Variants in HDAC9 observed in about 807,000 individuals in gnomAD.
HDAC9 encodes MEF-2 interacting transcription repressor (MITR) protein.
HDAC9 carries 41 observed loss-of-function variants against 139.4 expected under a neutral mutation model. The observed-to-expected ratio is 0.29, with a 90% CI of 0.23 to 0.38. The LOEUF (loss-of-function observed/expected upper bound fraction) is 0.38. Ranked by LOEUF, HDAC9 falls within the 10% of genes least tolerant of loss-of-function variation. HDAC9 has a pLI of 1.00. For synonymous variants in HDAC9, 517 were observed against 476.2 expected, an observed-to-expected ratio of 1.09 and a Z score of -1.12; for missense variants, 1,147 against 1,297.0, an observed-to-expected ratio of 0.88 and a Z score of 1.78.
At chr7:18,355,333 C>G (rs1479175281) in intron 1 of HDAC9, among the ~76,000 whole-genome samples, 1 of 152,128 alleles carries the variant, frequency 6.6e-6, no homozygotes, top group African/African-American at 2.4e-5. Flanking sequence ...TTCCAAGAGT[C>G]TGGGTTCTTG....
intron 1 of HDAC9, among the ~76,000 whole-genome samples, chr7:18,305,870 A>T (rs1466915314): frequency 6.6e-6 from 1 of 151,970 alleles, no homozygotes; most frequent in Non-Finnish European, 1.5e-5. Context: ...TGGTGAAGGG[A>T]AGTACTTCCC....
chr7:18,971,340 C>T (rs776889258), intron 24 of HDAC9, among the ~76,000 whole-genome samples: 2 of 152,178 alleles, frequency 1.3e-5, no homozygotes, highest in African/African-American at 2.4e-5. Flanking sequence ...AAACTCTTCT[C>T]TTTTGCCAGT....
At chr7:18,290,701 A>AT (rs1215367283) in intron 1 of HDAC9, among the ~76,000 whole-genome samples, 2 of 152,212 alleles carry the variant, frequency 1.3e-5, no homozygotes, top group African/African-American at 4.8e-5. Context: ...CAAAAATTAC[A>AT]TTGAGCAAAA....
intron 1 of HDAC9, among the ~76,000 whole-genome samples, chr7:18,367,297 G>GA (rs1481148040): frequency 6.6e-6 from 1 of 152,054 alleles, no homozygotes; most frequent in Non-Finnish European, 1.5e-5. Context: ...GGAGCCATGG[G>GA]ACTAGTCCTT....
intron 2 of HDAC9, among the ~76,000 whole-genome samples, chr7:18,560,446 A>C (rs1476909053): frequency 6.6e-6 from 1 of 152,118 alleles, no homozygotes; most frequent in Non-Finnish European, 1.5e-5. Context: ...AACACTAACC[A>C]TTGTGCTACC....
At chr7:18,174,855 T>A (rs907532328) in intron 2 of HDAC9, among the ~76,000 whole-genome samples, 3 of 152,100 alleles carry the variant, frequency 2.0e-5, no homozygotes, top group African/African-American at 7.2e-5. Flanking sequence ...CCTGCCTGTA[T>A]GAGGTGTCAT....
intron 23 of HDAC9, among the ~76,000 whole-genome samples, chr7:18,937,425 G>A (rs187358005): frequency 5.3e-5 from 8 of 152,200 alleles, no homozygotes; most frequent in Admixed American, 3.3e-4. Context: ...TTCAGATCAC[G>A]CACAATTCAA....
At chr7:18,232,553 A>C (rs956545762) in intron 2 of HDAC9, among the ~76,000 whole-genome samples, 1 of 152,060 alleles carries the variant, frequency 6.6e-6, no homozygotes, top group Non-Finnish European at 1.5e-5. Flanking sequence ...AGTTATTTCT[A>C]TTTGTGTTTT....
chr7:18,254,149 G>A (rs1795092742), intron 2 of HDAC9, among the ~76,000 whole-genome samples: 1 of 151,308 alleles, frequency 6.6e-6, no homozygotes, highest in African/African-American at 2.4e-5. Flanking sequence ...CAAGAAGGAA[G>A]GCATATCAAA....
upstream of HDAC9, among the ~76,000 whole-genome samples, chr7:18,493,421 C>G: frequency 6.6e-6 from 1 of 151,874 alleles, no homozygotes; most frequent in Non-Finnish European, 1.5e-5. Context: ...GATGGTGAGA[C>G]TGGATAATAT....
At chr7:18,181,208 T>C (rs1182475099) in intron 2 of HDAC9, among the ~76,000 whole-genome samples, 1 of 152,226 alleles carries the variant, frequency 6.6e-6, no homozygotes, top group Non-Finnish European at 1.5e-5. Flanking sequence ...AAATAATATC[T>C]GAAGTCATGC....
chr7:18,869,423 T>C (rs1798744897), intron 21 of HDAC9, among the ~76,000 whole-genome samples: 2 of 152,022 alleles, frequency 1.3e-5, no homozygotes, highest in South Asian at 4.1e-4. Context: ...CTCTTCCTCC[T>C]ACTCTGCCAT....
chr7:18,769,404 C>T (rs938062040), intron 16 of HDAC9, among the ~76,000 whole-genome samples: 1 of 152,098 alleles, frequency 6.6e-6, no homozygotes, highest in Non-Finnish European at 1.5e-5. Flanking sequence ...TAGAGCTGAC[C>T]TCACCTGGAT....
intron 12 of HDAC9, among the ~76,000 whole-genome samples, chr7:18,692,920 T>G (rs966919519): frequency 1.3e-5 from 2 of 152,136 alleles, no homozygotes; most frequent in Non-Finnish European, 2.9e-5. Flanking sequence ...ATTGTCATAT[T>G]CAGTAGCCGA....
rs140949858 is a variant in HDAC9 at position 18,497,630 on chromosome 7, A to G, written c.22+1306A>G. Among the ~76,000 whole-genome samples the G allele has an allele frequency of 3.7e-4, 57 of 152,300 alleles. No individual in the cohort carries two copies. The East Asian group carries it at 8.1e-3, about 22-fold the overall frequency. On this transcript the variant is annotated intron_variant, in intron 2 of 25. Transcript: ENST00000686413. ...CAGAATTTCAGTACAGTTTATTCTTATAGCTGCAAAGCTGACAAGGGCTCC... is the reference window on the plus strand; with the variant it reads ...CAGAATTTCAGTACAGTTTATTCTTGTAGCTGCAAAGCTGACAAGGGCTCC...
chr7:18,884,432 A>T (rs1799968813), intron 22 of HDAC9, among the ~76,000 whole-genome samples: 1 of 152,180 alleles, frequency 6.6e-6, no homozygotes, highest in African/African-American at 2.4e-5. Flanking sequence ...CGATGGCGAG[A>T]ACACTCCATG....
At chr7:18,545,884 G>A (rs1004896959) in intron 2 of HDAC9, among the ~76,000 whole-genome samples, 1 of 152,162 alleles carries the variant, frequency 6.6e-6, no homozygotes, top group Admixed American at 6.5e-5. Context: ...TAAAATAAGA[G>A]AGGGGAAAAG....
At chr7:18,920,134 G>A (rs556619049) in intron 22 of HDAC9, among the ~76,000 whole-genome samples, 36 of 152,250 alleles carry the variant, frequency 2.4e-4, no homozygotes, top group East Asian at 1.7e-3. Flanking sequence ...CATTAGCATG[G>A]AATGTTCTTC....
intron 6 of HDAC9, among the ~76,000 whole-genome samples, chr7:18,596,333 C>T (rs572093401): frequency 2.6e-4 from 39 of 152,172 alleles, no homozygotes; most frequent in Admixed American, 7.2e-4. Flanking sequence ...GCTTTCTATA[C>T]TCTATCTAAA....
Sources: allele counts gnomAD v4.1 joint callset (sites outside exome capture counted in the v4.1 genomes callset), GRCh38; gene constraint gnomAD v4.1.1; transcripts MANE v1.5; gene names NCBI Gene and HGNC (gene_info 2026-07-23, HGNC 2026-07-21).